The following PNPLA3 variants were observed in gnomAD, a reference collection of about 807,000 sequenced individuals.
The protein encoded by PNPLA3 is patatin like domain 3, 1-acylglycerol-3-phosphate O-acyltransferase.
In PNPLA3, 42 loss-of-function variants were observed where a neutral mutation model predicts 43.1. The ratio of observed to expected loss-of-function variants is 0.97; its 90% confidence interval spans 0.76 to 1.26. The LOEUF (loss-of-function observed/expected upper bound fraction) is 1.26, where lower values mean the gene tolerates loss of function less well. Ranked by LOEUF, PNPLA3 falls within the 50% of genes most tolerant of loss-of-function variation. The pLI is 0.00. For missense variants in PNPLA3, 647 were observed against 621.4 expected (o/e 1.04, Z -0.44); for synonymous variants, 272 against 253.6 (o/e 1.07, Z -0.69).
chr22:43,928,855 A>G lies in PNPLA3; in HGVS notation c.452A>G (p.Tyr151Cys). The change falls in exon 3 of 9, where the codon TAC (tyrosine) becomes TGC (cysteine). Residue 151 changes from tyrosine (Y) to cysteine (C), a missense_variant. Physicochemically the swap from Tyr to Cys is radical, Grantham distance 194 (BLOSUM62 -2). Transcript: ENST00000216180. ...ALVCSCFIPF[Y>C]SGLIPPSFRG... ...GTATGTTCCTGCTTCATCCCCTTCT[A>G]CAGTGGCCTTATCCCTCCTTCCTTC... 1.2e-6 allele frequency: 2 copies of G among 1,612,472 alleles called. No individual in the cohort carries two copies. The highest frequency in any genetic ancestry group is 1.7e-6 in the Non-Finnish European group (2 of 1,178,658).
intron 6 of PNPLA3, chr22:43,939,496 A>G: frequency 1.2e-6 from 1 of 843,738 alleles, no homozygotes; most frequent in Non-Finnish European, 1.4e-6. Flanking sequence ...TCCCCGCTTC[A>G]GCTTCACACT....
At chr22:43,941,913 G>A (rs1486656800) in intron 7 of PNPLA3, among the ~76,000 whole-genome samples, 1 of 152,200 alleles carries the variant, frequency 6.6e-6, no homozygotes, top group Non-Finnish European at 1.5e-5. Flanking sequence ...AGAGCCTGAA[G>A]GTGTGAGGAG....
rs761330177 is a variant in PNPLA3 at position 43,927,164 on chromosome 22, G to T, written c.417G>T (p.Val139=). 8 of 1,613,740 alleles carry T rather than the reference G, an allele frequency of 5.0e-6. No homozygotes were observed. Among genetic ancestry groups the T allele is most frequent in the South Asian group, 1.1e-5 (1 of 91,040 alleles). ...ACTTTCGGTCCAAAGACGAAGTCGT[G>T]GATGTAAGCAGTTTGCTTATCTGGA... ...VSDFRSKDEV[V]DALVCSCFIP... is the part of the protein sequence containing the mutation. The change falls in exon 2 of 9, where the codon GTG becomes GTT. Residue 139 remains valine (V), a synonymous_variant. Coordinates refer to ENST00000216180, the MANE Select transcript of PNPLA3 (RefSeq NM_025225.3).
chr22:43,932,972 G>GCC lies in PNPLA3; in HGVS notation c.583_584dup (p.Lys196LeufsTer68), dbSNP rs758158646. On this transcript the variant is annotated frameshift_variant, in exon 4 of 9. Coordinates refer to ENST00000216180, the MANE Select transcript of PNPLA3 (RefSeq NM_025225.3). LOFTEE classifies it high-confidence loss of function. Reference sequence around the variant, plus strand: ...CCCTTCTATGGGGAGTACGACATCTGCCCTAAAGTCAAGTCCACGAACTTT... The same window carrying GCC: ...CCCTTCTATGGGGAGTACGACATCTGCCCCCTAAAGTCAAGTCCACGAACTTT... The GCC allele has an allele frequency of 1.9e-6, 3 of 1,614,010 alleles. No homozygotes were observed. The South Asian group carries it at 3.3e-5, about 18-fold the overall frequency.
At chr22:43,934,537 C>T in intron 4 of PNPLA3, 69 bp from the exon 5 acceptor site, 1 of 1,474,844 alleles carries the variant, frequency 6.8e-7, no homozygotes, top group Non-Finnish European at 9.5e-7. Flanking sequence ...CTGCGGTCTT[C>T]CAATGATGCT....
chr22:43,924,356 C>T (rs186116206), intron 1 of PNPLA3: 89 of 472,184 alleles, frequency 1.9e-4, no homozygotes, highest in African/African-American at 1.7e-3. Flanking sequence ...CCCCTACCCC[C>T]ATCAGGCGCC....
chr22:43,928,666 A>G (rs1158664701), intron 2 of PNPLA3, among the ~76,000 whole-genome samples, 158 bp from the exon 3 acceptor site: 1 of 104,016 alleles, frequency 9.6e-6, no homozygotes, highest in Non-Finnish European at 2.5e-5. Flanking sequence ...CCGAGGGTGT[A>G]TGTTAGTTCC....
At position 43,937,071 on chromosome 22, in the gene PNPLA3, C is replaced by G; in HGVS notation, c.778C>G (p.Pro260Ala). ...CACAGGCATCTGCAACAGGCCCCAG[C>G]CAGGCCTGAAGTCATCCTCAGAAGG... ...EEKGICNRPQ[P>A]GLKSSSEGMD... is the part of the protein sequence containing the mutation. The change falls in exon 6 of 9, where the codon CCA (proline) becomes GCA (alanine). Residue 260 changes from proline (P) to alanine (A), a missense_variant. Coordinates refer to ENST00000216180, the MANE Select transcript of PNPLA3 (RefSeq NM_025225.3). 6.2e-7 allele frequency: 1 copy of G among 1,613,762 alleles called. No homozygotes were observed. Among genetic ancestry groups the G allele is most frequent in the South Asian group, 1.1e-5 (1 of 91,082 alleles).
Position 43,928,895 on chromosome 22 carries a change from T to C in PNPLA3, c.486+6T>C, listed in dbSNP as rs779305518. 6.2e-7 allele frequency: 1 copy of C among 1,608,112 alleles called. No homozygotes were observed. ...CTCCTTCCTTCAGAGGCGTGGTAAG[T>C]CGGCTTTCTCTGCTAGCGCTGAGTC... On this transcript the variant is annotated splice_donor_region_variant and intron_variant, in intron 3 of 8. Transcript: ENST00000216180.
In PNPLA3 at chr22:43,923,886, C is replaced by A. The variant is rs2049902226; in HGVS notation, c.-26C>A. ...CCCGATCCCGACCCAGATCCTAACC[C>A]GCGCCCCCGCCCCGCCGCCGCCGCC... On this transcript the variant is annotated 5_prime_UTR_variant, in exon 1 of 9. Coordinates refer to ENST00000216180, the MANE Select transcript of PNPLA3 (RefSeq NM_025225.3). 2.0e-6 allele frequency: 3 copies of A among 1,485,038 alleles called. No individual in the cohort carries two copies. Among genetic ancestry groups the A allele is most frequent in the South Asian group, 2.6e-5 (2 of 75,794 alleles). The allele number at this position is 1,485,038 out of a possible 1,614,324, so 92.0% of individuals were successfully genotyped here.
intron 1 of PNPLA3, among the ~76,000 whole-genome samples, chr22:43,925,243 A>G (rs532189704): frequency 3.3e-5 from 5 of 152,138 alleles, no homozygotes; most frequent in African/African-American, 1.2e-4. Flanking sequence ...GTACATTTGA[A>G]TCTTGTCCTA....
chr22:43,935,282 T>A (rs895623091), intron 5 of PNPLA3, among the ~76,000 whole-genome samples: 1 of 152,210 alleles, frequency 6.6e-6, no homozygotes, highest in African/African-American at 2.4e-5. Flanking sequence ...CCAAGGAGAC[T>A]GCATTTTTAA....
intron 8 of PNPLA3, among the ~76,000 whole-genome samples, chr22:43,945,329 C>G (rs1052034182): frequency 6.6e-6 from 1 of 152,090 alleles, no homozygotes; most frequent in Non-Finnish European, 1.5e-5. Context: ...TCTGCGTTGA[C>G]AGGCCCCAGG....
At position 43,946,367 on chromosome 22, in the gene PNPLA3, A is replaced by G. The variant is rs1227102711; in HGVS notation, c.1431A>G (p.Leu477=). ...TCTCCACCTTTCCCAGTTTTTCACT[A>G]GAGAAGAGTCTGTGAGTCACTTGAG... ...EGLSTFPSFS[L]EKSL Residue 477 remains leucine, a synonymous_variant, in exon 9 of 9, where the codon CTA becomes CTG. Transcript: ENST00000216180. The G allele has an allele frequency of 1.9e-6, 3 of 1,613,930 alleles. No homozygotes were observed. The highest frequency in any genetic ancestry group is 2.5e-6 in the Non-Finnish European group (3 of 1,179,940).
intron 5 of PNPLA3, 83 bp from the exon 6 acceptor site, chr22:43,936,968 C>A: frequency 8.7e-7 from 1 of 1,143,502 alleles, no homozygotes. Flanking sequence ...AGCTGCCTGC[C>A]TCCCTGCAGT....
At chr22:43,942,243 C>T (rs2050035434) in intron 7 of PNPLA3, among the ~76,000 whole-genome samples, 2 of 152,202 alleles carry the variant, frequency 1.3e-5, no homozygotes, top group African/African-American at 4.8e-5. Context: ...CATCTTCCCT[C>T]CTGGAGCCAC....
intron 2 of PNPLA3, among the ~76,000 whole-genome samples, chr22:43,927,604 G>A (rs557420986): frequency 7.2e-6 from 1 of 139,362 alleles, no homozygotes; most frequent in South Asian, 2.3e-4. Context: ...GTCCATGTTT[G>A]TAAACCCTGA....
intron 6 of PNPLA3, among the ~76,000 whole-genome samples, chr22:43,939,145 T>C (rs1174357687): frequency 6.6e-6 from 1 of 152,084 alleles, no homozygotes; most frequent in Non-Finnish European, 1.5e-5. Context: ...AGGCTGGTCT[T>C]GAACTCCTGA....
Position 43,946,580 on chromosome 22 carries a change from C to T in PNPLA3, c.*198C>T. The T allele has an allele frequency of 1.4e-6, 1 of 714,846 alleles. No homozygotes were observed. The highest frequency in any genetic ancestry group is 1.5e-5 in the South Asian group (1 of 68,528). The allele number at this position is 714,846 out of a possible 1,614,324, so 44.3% of individuals were successfully genotyped here. Reference sequence around the variant, plus strand: ...AGCGGTCCAGCACTTAACTCTAATACATCAGCATGCGTTAATTCAGCTGGT... The same window carrying T: ...AGCGGTCCAGCACTTAACTCTAATATATCAGCATGCGTTAATTCAGCTGGT... On this transcript the variant is annotated 3_prime_UTR_variant, in exon 9 of 9. Transcript: ENST00000216180.
Sources: gnomAD v4.1 joint callset for allele counts (sites outside exome capture counted in the v4.1 genomes callset) on GRCh38, gnomAD v4.1.1 for gene constraint, MANE v1.5 for transcripts, NCBI Gene and HGNC (gene_info 2026-07-23, HGNC 2026-07-21) for gene names.